Variants in KMT2C observed in about 807,000 individuals in gnomAD.
The protein encoded by KMT2C is lysine methyltransferase 2C.
A neutral mutation model predicts 507.9 loss-of-function variants in KMT2C; 88 were observed. The observed-to-expected ratio is 0.17, with a 90% CI of 0.15 to 0.21. KMT2C has a LOEUF of 0.21. KMT2C is among the 10% of genes least tolerant of loss of function. The pLI, the probability that KMT2C is intolerant of heterozygous loss-of-function variation, is 1.00. For missense variants in KMT2C, 4,954 were observed against 5,957.8 expected, an observed-to-expected ratio of 0.83 and a Z score of 5.55; for synonymous variants, 2,049 against 2,080.8, an observed-to-expected ratio of 0.98 and a Z score of 0.42.
chr7:152,179,849 C>T lies in KMT2C; in HGVS notation c.7427G>A (p.Arg2476Lys), dbSNP rs2129117921. Residue 2476 changes from arginine (R) to lysine (K), a missense_variant, in exon 37 of 59, where the codon AGA becomes AAA. Physicochemically the swap from Arg to Lys is conservative, Grantham distance 26 (BLOSUM62 2). This residue lies in a region of KMT2C where 1,689 missense variants were observed against 1,654.3 expected (regional missense o/e 1.02). Coordinates refer to ENST00000262189, the MANE Select transcript of KMT2C (RefSeq NM_170606.3). ...AAAGCATTACCTAAATCCATGAGGT[C>T]TCATCCCCATACTAGCAACATCAGG... ...YPPDVASMGM[R>K]PHGFRFGFPG... 3.7e-6 allele frequency: 6 copies of T among 1,613,918 alleles called. No individual in the cohort carries two copies. Among genetic ancestry groups the T allele is most frequent in the Non-Finnish European group, 5.1e-6 (6 of 1,179,892 alleles).
At chr7:152,323,792 G>GA (rs1046304227) in intron 3 of KMT2C, among the ~76,000 whole-genome samples, 7 of 130,480 alleles carry the variant, frequency 5.4e-5, no homozygotes, top group African/African-American at 1.9e-4. Flanking sequence ...GAGGGGAAGG[G>GA]AAGGGAGGCA....
intron 23 of KMT2C, among the ~76,000 whole-genome samples, chr7:152,210,373 C>G (rs2094426965): frequency 6.6e-6 from 1 of 152,192 alleles, no homozygotes; most frequent in Non-Finnish European, 1.5e-5. Flanking sequence ...AAAATACTAT[C>G]TATCCAGTCT....
chr7:152,398,573 G>C (rs1431141107), intron 1 of KMT2C, among the ~76,000 whole-genome samples: 1 of 151,422 alleles, frequency 6.6e-6, no homozygotes, highest in African/African-American at 2.5e-5. Context: ...TTAGATAAGA[G>C]GCTCACTCTG....
chr7:152,365,510 A>C (rs1304132914), intron 1 of KMT2C, among the ~76,000 whole-genome samples: 1 of 147,262 alleles, frequency 6.8e-6, no homozygotes, highest in Non-Finnish European at 1.5e-5. Context: ...TGTCTCAAAC[A>C]AACAAACAAA....
rs1491277955 is a variant in KMT2C at position 152,201,617 on chromosome 7, G to GGAAAA, written c.4092+1316_4092+1317insTTTTC. 5.2e-4 allele frequency among the ~76,000 whole-genome samples: 12 copies of GGAAAA among 22,906 alleles called. 1 individual carries two copies. The highest frequency in any genetic ancestry group is 9.9e-4 in the African/African-American group (12 of 12,180). The allele number at this position is 22,906 out of a possible 152,430, so 15.0% of individuals were successfully genotyped here. A position where few individuals can be genotyped will look rare whatever the true frequency, so the allele number is the denominator to read the frequency against. On this transcript the variant is annotated intron_variant, in intron 26 of 58. Coordinates refer to ENST00000262189, the MANE Select transcript of KMT2C (RefSeq NM_170606.3). The stretch of plus-strand genomic sequence containing the variant: ...CCCAGGAGAAAACAACAACAAAGAT[G>GGAAAA]AAAAAAAAAAAAAAAAAAAAAAAAA...
intron 15 of KMT2C, 90 bp downstream of exon 15, chr7:152,238,617 C>G (rs1177231585): frequency 3.7e-6 from 5 of 1,362,298 alleles, no homozygotes; most frequent in Non-Finnish European, 4.9e-6. Context: ...GAAGCTCAAT[C>G]TAGAAAAGAA....
chr7:152,373,734 A>G (rs1233080416), intron 1 of KMT2C, among the ~76,000 whole-genome samples: 2 of 152,176 alleles, frequency 1.3e-5, no homozygotes, highest in Non-Finnish European at 2.9e-5. Context: ...ACTTTTCTAT[A>G]CAGCATACAG....
At chr7:152,324,847 G>C (rs1169141736) in intron 3 of KMT2C, among the ~76,000 whole-genome samples, 1 of 151,872 alleles carries the variant, frequency 6.6e-6, no homozygotes, top group African/African-American at 2.4e-5. Context: ...TATTGCTTAT[G>C]AACATAAACA....
rs764960034 is a variant in KMT2C, at chr7:152,252,530, ATAAC to A, written c.1469+12_1469+15del. 6.2e-7 allele frequency: 1 copy of A among 1,601,434 alleles called. No homozygotes were observed. The highest frequency in any genetic ancestry group is 8.5e-7 in the Non-Finnish European group (1 of 1,170,050). ...ACAATCGACAAAACAACTGAATAGA[ATAAC>A]TATCTTCTTACCTTTTGCACATATT... On this transcript the variant is annotated intron_variant, in intron 10 of 58. Coordinates refer to ENST00000262189, the MANE Select transcript of KMT2C (RefSeq NM_170606.3).
chr7:152,258,600 C>T (rs2095703134), intron 9 of KMT2C, among the ~76,000 whole-genome samples: 1 of 152,116 alleles, frequency 6.6e-6, no homozygotes, highest in Admixed American at 6.6e-5. Context: ...GTTCGGCTCA[C>T]TGCAACCTCT....
rs779785231 is a variant in KMT2C, at chr7:152,181,000, A to C, written c.6860T>G (p.Phe2287Cys). The change falls in exon 36 of 59, where the codon TTT becomes TGT. Residue 2287 changes from phenylalanine (F) to cysteine (C), a missense_variant. Phe to Cys is a radical substitution (Grantham distance 205). Around this residue, in one of 29 missense-constraint regions of KMT2C, gnomAD observed 1,689 missense variants for 1,654.3 expected, o/e 1.02. Coordinates refer to ENST00000262189, the MANE Select transcript of KMT2C (RefSeq NM_170606.3). ...RPPGPGLSDT[F>C]SRVSPSAARD... ...GGCAGCAGATGGGGAAACACGGCTA[A>C]ATGTGTCTGAAAGACCAGGTCCAGG... The C allele has an allele frequency of 1.2e-6, 2 of 1,614,134 alleles. No homozygotes were observed. The highest frequency in any genetic ancestry group is 2.2e-5 in the South Asian group (2 of 91,076).
chr7:152,414,569 T>C (rs2097715046), intron 1 of KMT2C, among the ~76,000 whole-genome samples: 1 of 151,888 alleles, frequency 6.6e-6, no homozygotes, highest in South Asian at 2.1e-4. Flanking sequence ...ATGTGAAAAC[T>C]ACTCAATAAG....
intron 1 of KMT2C, among the ~76,000 whole-genome samples, chr7:152,364,992 G>A (rs2097229785): frequency 6.6e-6 from 1 of 150,880 alleles, no homozygotes; most frequent in Non-Finnish European, 1.5e-5. Context: ...GTACTTTATA[G>A]TCAAATTGCT....
At chr7:152,264,862 G>C (rs1427388694) in intron 8 of KMT2C, among the ~76,000 whole-genome samples, 176 bp downstream of exon 8, 1 of 151,044 alleles carries the variant, frequency 6.6e-6, no homozygotes, top group Non-Finnish European at 1.5e-5. Context: ...TTATATTATG[G>C]ATATATACTG....
intron 15 of KMT2C, among the ~76,000 whole-genome samples, 155 bp from the exon 16 acceptor site, chr7:152,236,088 C>T (rs199980812): frequency 2.4e-5 from 3 of 122,710 alleles, no homozygotes; most frequent in Non-Finnish European, 5.3e-5. Flanking sequence ...TATCTTTAAA[C>T]GTATACTCCA....
intron 9 of KMT2C, among the ~76,000 whole-genome samples, chr7:152,261,969 T>C (rs1430325679): frequency 6.6e-6 from 1 of 152,054 alleles, no homozygotes; most frequent in Admixed American, 6.5e-5. Context: ...AGCAGCTCTT[T>C]TTCCCCCCAG....
intron 9 of KMT2C, among the ~76,000 whole-genome samples, chr7:152,255,255 C>T (rs2095642152): frequency 6.6e-6 from 1 of 150,694 alleles, no homozygotes; most frequent in Non-Finnish European, 1.5e-5. Context: ...CAGCCTCGAA[C>T]TCCTGGGCTC....
chr7:152,227,165 A>G (rs2094958880), intron 18 of KMT2C, among the ~76,000 whole-genome samples: 1 of 152,208 alleles, frequency 6.6e-6, no homozygotes, highest in African/African-American at 2.4e-5. Context: ...TCTAATGGAA[A>G]CATTAGTGTT....
At chr7:152,384,548 A>ACACCACCACTACCACCACCACCAC (rs1564068171) in intron 1 of KMT2C, among the ~76,000 whole-genome samples, 6 of 62,230 alleles carry the variant, frequency 9.6e-5, no homozygotes, top group African/African-American at 1.9e-4. Context: ...CATGTGCATA[A>ACACCACCACTACCACCACCACCAC]CACCACCACC....
Sources: gnomAD v4.1 joint callset for allele counts (sites outside exome capture counted in the v4.1 genomes callset) on GRCh38, gnomAD v4.1.1 for gene constraint, gnomAD v4.1.1 regional missense constraint, MANE v1.5 for transcripts, NCBI Gene and HGNC (gene_info 2026-07-23, HGNC 2026-07-21) for gene names.